Variants in RALGAPA2 observed in about 807,000 individuals in gnomAD.
RALGAPA2 encodes the protein ral GTPase-activating protein subunit alpha-2.
RALGAPA2 carries 139 observed loss-of-function variants against 230.4 expected under a neutral mutation model. That is an observed-to-expected ratio of 0.60 (90% confidence interval 0.53 to 0.69). RALGAPA2 has a LOEUF of 0.69. RALGAPA2 is among the 30% of genes least tolerant of loss of function. RALGAPA2 has a pLI of 0.00. For synonymous variants in RALGAPA2, 847 were observed against 837.8 expected, an observed-to-expected ratio of 1.01 and a Z score of -0.19; for missense variants, 2,163 against 2,276.0, an observed-to-expected ratio of 0.95 and a Z score of 1.01.
chr20:20,544,771 C>T (rs2063736670), intron 24 of RALGAPA2, among the ~76,000 whole-genome samples: 1 of 151,278 alleles, frequency 6.6e-6, no homozygotes, highest in African/African-American at 2.4e-5. Flanking sequence ...AACACAGAAA[C>T]AGAAAACCAA....
At chr20:20,581,111 AAAG>A (rs2064971357) in intron 20 of RALGAPA2, among the ~76,000 whole-genome samples, 1 of 152,240 alleles carries the variant, frequency 6.6e-6, no homozygotes, top group Admixed American at 6.5e-5. Flanking sequence ...TTAGTATTTC[AAAG>A]AAGAACGGAG....
At chr20:20,425,758 T>C (rs2060369734) in intron 37 of RALGAPA2, among the ~76,000 whole-genome samples, 1 of 152,128 alleles carries the variant, frequency 6.6e-6, no homozygotes, top group Non-Finnish European at 1.5e-5. Context: ...CCCACAGACC[T>C]ATCAGAGCAA....
intron 3 of RALGAPA2, among the ~76,000 whole-genome samples, chr20:20,671,870 A>C (rs1215080564): frequency 6.6e-6 from 1 of 152,204 alleles, no homozygotes; most frequent in East Asian, 1.9e-4. Context: ...TTCTTAAAAC[A>C]TTGCTGGGCT....
intron 3 of RALGAPA2, among the ~76,000 whole-genome samples, chr20:20,669,903 T>G (rs1262429412): frequency 2.0e-5 from 3 of 152,240 alleles, no homozygotes; most frequent in Non-Finnish European, 4.4e-5. Flanking sequence ...TGTGAATTAT[T>G]TGATCTTGAG....
rs184051713 is a variant in RALGAPA2, at chr20:20,515,470, T to C, written c.4085-2186A>G. ...AAAGAAGCAGAAAGCTGAAGTCTAC[T>C]CCATGAGACAGGTAAAAAACTATAA... On this transcript the variant is annotated intron_variant, in intron 31 of 39. Coordinates refer to ENST00000202677, the MANE Select transcript of RALGAPA2 (RefSeq NM_020343.4). Among the ~76,000 whole-genome samples, 749 of 152,328 alleles carry C rather than the reference T, an allele frequency of 4.9e-3. 5 individuals carry two copies. Among genetic ancestry groups the C allele is most frequent in the African/African-American group, 0.017 (714 of 41,558 alleles).
chr20:20,480,224 A>C (rs2061741945), intron 36 of RALGAPA2, among the ~76,000 whole-genome samples: 2 of 152,218 alleles, frequency 1.3e-5, no homozygotes, highest in African/African-American at 4.8e-5. Context: ...TGTAGAAATG[A>C]AATTGGCTAA....
In RALGAPA2 at chr20:20,591,163, A is replaced by T. The variant is rs1195619677; in HGVS notation, c.2341+14T>A. The T allele has an allele frequency of 3.1e-6, 5 of 1,611,378 alleles. No individual in the cohort carries two copies. Among genetic ancestry groups the T allele is most frequent in the Non-Finnish European group, 4.2e-6 (5 of 1,178,806 alleles). The stretch of plus-strand genomic sequence containing the variant: ...ATCTATAGTTCTGTATTAAACACTG[A>T]AGACATCATGTACCCTGAGAAGAAT... On this transcript the variant is annotated intron_variant, in intron 17 of 39. Transcript: ENST00000202677.
At chr20:20,407,349 G>A (rs1223186078) in intron 38 of RALGAPA2, among the ~76,000 whole-genome samples, 1 of 152,230 alleles carries the variant, frequency 6.6e-6, no homozygotes, top group African/African-American at 2.4e-5. Flanking sequence ...CTTTCAATGA[G>A]CGGGGAAACT....
intron 3 of RALGAPA2, among the ~76,000 whole-genome samples, chr20:20,654,929 T>C (rs760007755): frequency 1.1e-4 from 16 of 152,210 alleles, no homozygotes; most frequent in South Asian, 2.1e-4. Context: ...TTTTTGATAA[T>C]AGTAATTCTA....
At chr20:20,699,025 A>T (rs1295379758) in intron 1 of RALGAPA2, among the ~76,000 whole-genome samples, 6 of 152,238 alleles carry the variant, frequency 3.9e-5, no homozygotes, top group Admixed American at 3.9e-4. Context: ...ACTAGTGAGG[A>T]ATAAACACTG....
chr20:20,527,160 C>T (rs541222227), intron 27 of RALGAPA2, among the ~76,000 whole-genome samples: 12 of 152,304 alleles, frequency 7.9e-5, no homozygotes, highest in South Asian at 4.1e-4. Flanking sequence ...AAAGGTTCGT[C>T]GCTGACCCTA....
intron 24 of RALGAPA2, among the ~76,000 whole-genome samples, chr20:20,544,290 C>T (rs1039217341): frequency 2.0e-5 from 3 of 148,698 alleles, no homozygotes; most frequent in East Asian, 2.0e-4. Context: ...GGCATGGTGG[C>T]GGGTGCCTGT....
At chr20:20,403,500 G>A (rs1007640206) in intron 38 of RALGAPA2, among the ~76,000 whole-genome samples, 3 of 152,086 alleles carry the variant, frequency 2.0e-5, no homozygotes, top group Non-Finnish European at 4.4e-5. Context: ...TCAGCCTAGC[G>A]GGCTACAGAT....
intron 37 of RALGAPA2, 143 bp from the exon 38 acceptor site, chr20:20,412,291 G>A (rs1380792124): frequency 2.5e-6 from 3 of 1,180,952 alleles, no homozygotes; most frequent in Non-Finnish European, 2.4e-6. Context: ...AGAAAATTAA[G>A]TATTAGTCAT....
chr20:20,468,581 T>G (rs1475388932), intron 37 of RALGAPA2, among the ~76,000 whole-genome samples: 1 of 152,216 alleles, frequency 6.6e-6, no homozygotes, highest in Admixed American at 6.5e-5. Flanking sequence ...CCCAGTAGGA[T>G]GTCTCTTTCT....
chr20:20,400,432 G>A (rs993118729), intron 38 of RALGAPA2, among the ~76,000 whole-genome samples: 23 of 152,186 alleles, frequency 1.5e-4, no homozygotes, highest in African/African-American at 3.9e-4. Flanking sequence ...TGCTGCTCCC[G>A]TGCAGGGGCT....
At chr20:20,679,937 G>A (rs1308971179) in intron 2 of RALGAPA2, among the ~76,000 whole-genome samples, 1 of 152,222 alleles carries the variant, frequency 6.6e-6, no homozygotes, top group African/African-American at 2.4e-5. Flanking sequence ...TGGGGATTCA[G>A]ATTCAGCCCA....
chr20:20,583,252 T>A, intron 19 of RALGAPA2, 26 bp from the exon 20 acceptor site: 1 of 1,567,474 alleles, frequency 6.4e-7, no homozygotes, highest in Non-Finnish European at 8.7e-7. Context: ...AACCAAAGTT[T>A]AAGATAAAAA....
chr20:20,487,066 G>A (rs2061930195), intron 36 of RALGAPA2, among the ~76,000 whole-genome samples: 1 of 151,952 alleles, frequency 6.6e-6, no homozygotes, highest in African/African-American at 2.4e-5. Context: ...CCATATTTGA[G>A]TCCGGTTTTG....
Sources: allele counts gnomAD v4.1 joint callset (sites outside exome capture counted in the v4.1 genomes callset), GRCh38; gene constraint gnomAD v4.1.1; transcripts MANE v1.5; gene names NCBI Gene and HGNC (gene_info 2026-07-23, HGNC 2026-07-21).